The following GALK2 variants were observed in gnomAD, a reference collection of about 807,000 sequenced individuals.
GALK2 encodes galactokinase 2, also known as N-acetylgalactosamine kinase.
Under a neutral mutation model 52.4 loss-of-function variants are expected in GALK2, and 36 were observed. That is an observed-to-expected ratio of 0.69 (90% CI 0.53 to 0.91). The LOEUF (loss-of-function observed/expected upper bound fraction) is 0.91. GALK2 is among the 40% of genes least tolerant of loss of function. GALK2 has a pLI of 0.00. For synonymous variants in GALK2, 176 were observed against 199.1 expected (o/e 0.88, Z 0.98); for missense variants, 579 against 559.1 (o/e 1.04, Z -0.36).
At chr15:49,297,869 G>C (rs2034621054) in intron 8 of GALK2, among the ~76,000 whole-genome samples, 1 of 151,756 alleles carries the variant, frequency 6.6e-6, no homozygotes, top group South Asian at 2.1e-4. Flanking sequence ...CTCCAGCTCT[G>C]TTCTTTTTCC....
At chr15:49,210,319 C>A (rs953623827) in intron 2 of GALK2, among the ~76,000 whole-genome samples, 1 of 151,598 alleles carries the variant, frequency 6.6e-6, no homozygotes, top group East Asian at 1.9e-4. Context: ...TTTATTATTT[C>A]TTTCCTTCTA....
chr15:49,158,935 C>T (rs371155137), intron 1 of GALK2: 47 of 152,322 alleles, frequency 3.1e-4, no homozygotes, highest in African/African-American at 1.1e-3. Context: ...AAGTGACCTT[C>T]CCATCTCAGC....
intron 3 of GALK2, among the ~76,000 whole-genome samples, chr15:49,351,013 A>G (rs1469850957): frequency 6.6e-6 from 1 of 152,214 alleles, no homozygotes; most frequent in Non-Finnish European, 1.5e-5. Context: ...TAGAGGGACC[A>G]CACTGGCCAG....
chr15:49,301,098 C>G (rs2063608957), intron 8 of GALK2, among the ~76,000 whole-genome samples: 1 of 151,954 alleles, frequency 6.6e-6, no homozygotes, highest in Non-Finnish European at 1.5e-5. Context: ...ATATGAAACT[C>G]TTGGTTGGAA....
Position 49,299,740 on chromosome 15 carries a change from TTTCTTTCTTTCTTTCTTTC to T in GALK2, c.967+7206_967+7224del, listed in dbSNP as rs1596018996. ...TTTCTTTCTTTCTTTCTTTCTTTTC[TTTCTTTCTTTCTTTCTTTC>T]TTTCTTTCTTTCTTTCTTTCTTTCT... On this transcript the variant is annotated intron_variant, in intron 8 of 9. Coordinates refer to ENST00000560031, the MANE Select transcript of GALK2 (RefSeq NM_002044.4). 4.7e-4 allele frequency among the ~76,000 whole-genome samples: 45 copies of T among 95,750 alleles called. 1 individual carries two copies. Among genetic ancestry groups the T allele is most frequent in the East Asian group, 1.4e-3 (5 of 3,560 alleles). The allele number at this position is 95,750 out of a possible 152,430, so 62.8% of individuals were successfully genotyped here. A position where few individuals can be genotyped will look rare whatever the true frequency, so the allele number is the denominator to read the frequency against.
chr15:49,367,640 A>G, exon 4 of GALK2: 2 of 1,529,002 alleles, frequency 1.3e-6, no homozygotes, highest in Non-Finnish European at 1.7e-6. Flanking sequence ...CAAGACAACG[A>G]TTACTTTTGT....
chr15:49,287,259 A>C (rs1014275325), intron 7 of GALK2, among the ~76,000 whole-genome samples: 2 of 152,160 alleles, frequency 1.3e-5, no homozygotes, highest in African/African-American at 4.8e-5. Context: ...CACTCCTCCC[A>C]ATTGACGTAG....
In GALK2 at chr15:49,283,597, C is replaced by T; in HGVS notation, c.635C>T (p.Ala212Val). The change falls in exon 7 of 10, where the codon GCA (alanine) becomes GTA (valine). Residue 212 changes from alanine (A) to valine (V), a missense_variant. Ala to Val is a moderately conservative substitution (Grantham distance 64, BLOSUM62 0). Transcript: ENST00000560031. ...TTGATAGAATTTAGTCCTCTGAGGGCAACCGATGTAAAACTCCCAAGTGGA... is the reference window on the plus strand; with the variant it reads ...TTGATAGAATTTAGTCCTCTGAGGGTAACCGATGTAAAACTCCCAAGTGGA... ...AKLIEFSPLR[A>V]TDVKLPSGAV... 1 of 1,613,802 alleles carries T rather than the reference C, an allele frequency of 6.2e-7. No individual in the cohort carries two copies. The highest frequency in any genetic ancestry group is 1.3e-5 in the African/African-American group (1 of 75,000).
chr15:49,363,092 T>C lies in GALK2; in HGVS notation c.427-4399T>C, dbSNP rs147764752. Among the ~76,000 whole-genome samples, 454 of 152,322 alleles carry C rather than the reference T, an allele frequency of 3.0e-3. 4 individuals carry two copies. Among genetic ancestry groups the C allele is most frequent in the African/African-American group, 0.01 (428 of 41,588 alleles). On this transcript the variant is annotated intron_variant, in intron 3 of 3. Coordinates refer to the GALK2 transcript ENST00000558399. ...GCTTTGTCCTTTTTGCTTAAGATTGTCTTGGCTGTTCAAGCTCTTTTTTGG... is the reference window on the plus strand; with the variant it reads ...GCTTTGTCCTTTTTGCTTAAGATTGCCTTGGCTGTTCAAGCTCTTTTTTGG...
rs552351082 is a variant in GALK2, at chr15:49,239,534, C to T, written c.504+167C>T. 1.2e-4 allele frequency among the ~76,000 whole-genome samples: 19 copies of T among 152,308 alleles called. No individual in the cohort carries two copies. In the South Asian group the frequency reaches 3.5e-3, roughly 28 times the overall value. On this transcript the variant is annotated intron_variant, in intron 5 of 9. Coordinates refer to ENST00000560031, the MANE Select transcript of GALK2 (RefSeq NM_002044.4). The stretch of plus-strand genomic sequence containing the variant: ...CAAGTGATAAATCACTATAAAGTAG[C>T]TTATACCCTCCAAACAGTGAGTGAA...
chr15:49,256,098 A>G (rs1032659542), intron 5 of GALK2, among the ~76,000 whole-genome samples: 36 of 152,334 alleles, frequency 2.4e-4, no homozygotes, highest in African/African-American at 8.2e-4. Context: ...ACATTTCAGT[A>G]TAATGACATG....
In GALK2 at chr15:49,201,212, A is replaced by T; in HGVS notation, c.104A>T (p.Lys35Met). 1 of 1,611,164 alleles carries T rather than the reference A, an allele frequency of 6.2e-7. No individual in the cohort carries two copies. Among genetic ancestry groups the T allele is most frequent in the Non-Finnish European group, 8.5e-7 (1 of 1,177,750 alleles). ...AACTCCAAGTTTGGATCTATTCCCAAGTTTTATGTTCGAGCACCAGGAAGA... is the reference window on the plus strand; with the variant it reads ...AACTCCAAGTTTGGATCTATTCCCATGTTTTATGTTCGAGCACCAGGAAGA... ...MFNSKFGSIP[K>M]FYVRAPGRVN... The change falls in exon 2 of 10, where the codon AAG becomes ATG. Residue 35 changes from lysine (K) to methionine (M), a missense_variant. Lys to Met is a moderately conservative substitution (Grantham distance 95). Coordinates refer to ENST00000560031, the MANE Select transcript of GALK2 (RefSeq NM_002044.4).
At chr15:49,304,315 C>T (rs2035365401) in intron 8 of GALK2, among the ~76,000 whole-genome samples, 1 of 152,178 alleles carries the variant, frequency 6.6e-6, no homozygotes, top group Non-Finnish European at 1.5e-5. Context: ...ACTGATTGTG[C>T]TTCAGTAACA....
chr15:49,314,258 A>C (rs971880931), intron 8 of GALK2, among the ~76,000 whole-genome samples: 3 of 152,220 alleles, frequency 2.0e-5, no homozygotes, highest in Non-Finnish European at 4.4e-5. Context: ...ATCCATTTTT[A>C]TATTCTTTCT....
At chr15:49,212,767 CAGGAG>C (rs2089032907) in intron 2 of GALK2, among the ~76,000 whole-genome samples, 1 of 152,066 alleles carries the variant, frequency 6.6e-6, no homozygotes, top group South Asian at 2.1e-4. Context: ...ACTGGTCATT[CAGGAG>C]CATATTTTTT....
At chr15:49,175,430 A>T (rs1320968551) in intron 1 of GALK2, among the ~76,000 whole-genome samples, 2 of 152,088 alleles carry the variant, frequency 1.3e-5, no homozygotes, top group East Asian at 3.9e-4. Context: ...AAGTTGTTAC[A>T]CCTCGACCTG....
chr15:49,210,857 G>A (rs373434057), intron 2 of GALK2, among the ~76,000 whole-genome samples: 3 of 151,404 alleles, frequency 2.0e-5, no homozygotes, highest in African/African-American at 7.3e-5. Context: ...AGTGATTCTT[G>A]TGCTTCAGCG....
intron 5 of GALK2, among the ~76,000 whole-genome samples, chr15:49,276,970 C>CTTTTTTTTTTTTTT (rs1233754984): frequency 1.4e-4 from 4 of 28,324 alleles, no homozygotes; most frequent in Non-Finnish European, 2.0e-4. Flanking sequence ...TTTTTCTTTT[C>CTTTTTTTTTTTTTT]TTTTTTTTTT....
chr15:49,199,160 T>G (rs963239940), intron 1 of GALK2: 5 of 152,168 alleles, frequency 3.3e-5, no homozygotes, highest in African/African-American at 1.2e-4. Context: ...GCCTCCAGAG[T>G]AGCTGGAACT....
Sources: allele counts gnomAD v4.1 joint callset (sites outside exome capture counted in the v4.1 genomes callset), GRCh38; gene constraint gnomAD v4.1.1; transcripts MANE v1.5; gene names NCBI Gene and HGNC (gene_info 2026-07-23, HGNC 2026-07-21).